ITPR1: variants seen among roughly 807,000 people sequenced by gnomAD.
ITPR1 encodes inositol 1,4,5-trisphosphate-gated calcium channel ITPR1.
Under a neutral mutation model 318.4 loss-of-function variants are expected in ITPR1, and 96 were observed. The observed-to-expected ratio is 0.30, with a 90% CI of 0.26 to 0.36. ITPR1 has a LOEUF of 0.36. Among genes scored for constraint, ITPR1 ranks in the 10% least tolerant of loss-of-function variants. The pLI is 1.00. For missense variants in ITPR1, 2,440 were observed against 3,460.2 expected (o/e 0.71, Z 7.40); for synonymous variants, 1,312 against 1,289.9 (o/e 1.02, Z -0.37).
chr3:4,679,693 G>A (rs6786687), intron 24 of ITPR1, among the ~76,000 whole-genome samples: 121,938 of 152,184 alleles, frequency 0.8, 49,232 homozygotes, highest in Admixed American at 0.86. Context: ...TGTACAAGCT[G>A]TCTAGGTGTC....
At position 4,688,322 on chromosome 3, in the gene ITPR1, A is replaced by G. The variant is rs182589535; in HGVS notation, c.3703-173A>G. ...ATCTTCACTTTCATCCAATGAGCAT[A>G]GACAAGTTACTGGCTTCTTTTCAGC... On this transcript the variant is annotated intron_variant, in intron 30 of 61. Coordinates refer to ENST00000649015, the MANE Select transcript of ITPR1 (RefSeq NM_001378452.1). Among the ~76,000 whole-genome samples the G allele has an allele frequency of 3.1e-3, 473 of 152,318 alleles. 3 individuals are homozygous for G. The highest frequency in any genetic ancestry group is 0.011 in the African/African-American group (453 of 41,560).
chr3:4,642,364 TA>T, intron 7 of ITPR1, 113 bp downstream of exon 7: 2 of 745,612 alleles, frequency 2.7e-6, no homozygotes, highest in Middle Eastern at 6.0e-4. Flanking sequence ...TTGTCCTGTG[TA>T]AAGAGAAGGG....
chr3:4,524,283 G>A (rs947367886), intron 4 of ITPR1, among the ~76,000 whole-genome samples: 9 of 148,580 alleles, frequency 6.1e-5, no homozygotes, highest in Non-Finnish European at 7.4e-5. Context: ...CTTCAACTGC[G>A]GTGCAGCATA....
At chr3:4,586,924 C>CGT in intron 4 of ITPR1, among the ~76,000 whole-genome samples, 1 of 152,042 alleles carries the variant, frequency 6.6e-6, no homozygotes, top group African/African-American at 2.4e-5. Context: ...CTTGTTCATA[C>CGT]ACCTCTTAGG....
At chr3:4,786,212 G>A (rs1468358484) in intron 51 of ITPR1, among the ~76,000 whole-genome samples, 1 of 152,214 alleles carries the variant, frequency 6.6e-6, no homozygotes, top group Non-Finnish European at 1.5e-5. Context: ...GACGGCAGAG[G>A]TGATCCCTGA....
At chr3:4,500,897 A>G (rs908953608) in intron 2 of ITPR1, among the ~76,000 whole-genome samples, 3 of 152,160 alleles carry the variant, frequency 2.0e-5, no homozygotes, top group African/African-American at 7.2e-5. Context: ...TCTGTTGCCA[A>G]GGCTGGAGTA....
At chr3:4,520,195 G>A (rs1428864364) in intron 3 of ITPR1, among the ~76,000 whole-genome samples, 1 of 152,214 alleles carries the variant, frequency 6.6e-6, no homozygotes, top group Non-Finnish European at 1.5e-5. Context: ...AGTTTTAGGA[G>A]CTTGGACAAG....
At chr3:4,771,399 A>C (rs1559868795) in intron 46 of ITPR1, among the ~76,000 whole-genome samples, 1 of 152,156 alleles carries the variant, frequency 6.6e-6, no homozygotes, top group Non-Finnish European at 1.5e-5. Flanking sequence ...GTGCAGTGCC[A>C]ATGTGCTTGT....
At chr3:4,789,919 A>G (rs898215064) in intron 52 of ITPR1, among the ~76,000 whole-genome samples, 2 of 152,192 alleles carry the variant, frequency 1.3e-5, no homozygotes, top group Admixed American at 6.5e-5. Flanking sequence ...CGCCCAGCCA[A>G]TCCTGAGTTC....
At chr3:4,785,250 C>G (rs2047107936) in intron 51 of ITPR1, among the ~76,000 whole-genome samples, 1 of 152,216 alleles carries the variant, frequency 6.6e-6, no homozygotes, top group Middle Eastern at 3.2e-3. Context: ...AATTTTCATC[C>G]TGATCTGTCT....
intron 44 of ITPR1, among the ~76,000 whole-genome samples, chr3:4,758,341 C>G (rs751794147): frequency 1.3e-5 from 2 of 152,164 alleles, no homozygotes; most frequent in Non-Finnish European, 2.9e-5. Flanking sequence ...ACTGCTCCCC[C>G]GCAAGCCATG....
At chr3:4,622,958 A>G (rs1173790111) in intron 4 of ITPR1, among the ~76,000 whole-genome samples, 1 of 152,220 alleles carries the variant, frequency 6.6e-6, no homozygotes, top group African/African-American at 2.4e-5. Flanking sequence ...TGAAAGTTCT[A>G]GCAGTGGGGA....
chr3:4,778,662 A>C (rs1311819638), intron 48 of ITPR1, among the ~76,000 whole-genome samples: 3 of 152,202 alleles, frequency 2.0e-5, no homozygotes, highest in African/African-American at 4.8e-5. Context: ...TTTATCAGAA[A>C]GTCCGAAATA....
At chr3:4,609,027 A>G (rs1188853837) in intron 4 of ITPR1, among the ~76,000 whole-genome samples, 1 of 123,832 alleles carries the variant, frequency 8.1e-6, no homozygotes, top group Non-Finnish European at 1.7e-5. Flanking sequence ...AAAAAAAAAC[A>G]AAAGAAAACA....
chr3:4,684,252 A>G (rs753084119), intron 28 of ITPR1, 29 bp from the exon 29 acceptor site: 13 of 1,516,660 alleles, frequency 8.6e-6, no homozygotes, highest in South Asian at 2.3e-5. Flanking sequence ...AGTTGTACAG[A>G]TCACACTTGT....
intron 2 of ITPR1, among the ~76,000 whole-genome samples, chr3:4,509,812 G>C (rs1210591178): frequency 6.6e-6 from 1 of 152,046 alleles, no homozygotes; most frequent in Non-Finnish European, 1.5e-5. Flanking sequence ...AACAAAACCA[G>C]TATAAACTCT....
intron 53 of ITPR1, among the ~76,000 whole-genome samples, chr3:4,797,223 C>T (rs2047957809): frequency 6.6e-6 from 1 of 151,778 alleles, no homozygotes; most frequent in South Asian, 2.1e-4. Context: ...TCAGTTCACT[C>T]TCAGAGGGAT....
rs149916774 is a variant in ITPR1 at position 4,736,275 on chromosome 3, A to C, written c.5544+921A>C. On this transcript the variant is annotated intron_variant, in intron 44 of 61. Coordinates refer to ENST00000649015, the MANE Select transcript of ITPR1 (RefSeq NM_001378452.1). ...CACCCTGATGTATATATTTGACCTG[A>C]CATATTCTTGGCCTTGAACTGAAAT... 8.5e-5 allele frequency among the ~76,000 whole-genome samples: 13 copies of C among 152,302 alleles called. No homozygotes were observed. In the East Asian group the frequency reaches 2.5e-3, roughly 29 times the overall value.
intron 24 of ITPR1, among the ~76,000 whole-genome samples, chr3:4,680,242 G>A (rs1033641503): frequency 2.0e-5 from 3 of 152,120 alleles, no homozygotes; most frequent in African/African-American, 7.2e-5. Flanking sequence ...TTACTGAAAT[G>A]GAGTCTTGTT....
Sources: allele counts gnomAD v4.1 joint callset (sites outside exome capture counted in the v4.1 genomes callset), GRCh38; gene constraint gnomAD v4.1.1; transcripts MANE v1.5; gene names NCBI Gene and HGNC (gene_info 2026-07-23, HGNC 2026-07-21).